Variants in PEBP4 observed in about 807,000 individuals in gnomAD.
The protein encoded by PEBP4 is phosphatidylethanolamine binding protein 4.
A neutral mutation model predicts 23.9 loss-of-function variants in PEBP4; 22 were observed. That is an observed-to-expected ratio of 0.92 (90% CI 0.66 to 1.31). PEBP4 has a LOEUF of 1.31. PEBP4 is among the 40% of genes most tolerant of loss of function. The pLI, the probability that PEBP4 is intolerant of heterozygous loss-of-function variation, is 0.00. For synonymous variants in PEBP4, 112 were observed against 99.3 expected (o/e 1.13, Z -0.76); for missense variants, 324 against 281.7 (o/e 1.15, Z -1.07).
intron 4 of PEBP4, among the ~76,000 whole-genome samples, chr8:22,748,181 A>G (rs1805169441): frequency 6.6e-6 from 1 of 152,176 alleles, no homozygotes; most frequent in Non-Finnish European, 1.5e-5. Flanking sequence ...CCAGATCTGG[A>G]GAGAAAAGGG....
chr8:22,734,930 G>A (rs1036899529), intron 4 of PEBP4, among the ~76,000 whole-genome samples: 1 of 152,198 alleles, frequency 6.6e-6, no homozygotes, highest in African/African-American at 2.4e-5. Flanking sequence ...GTTAAGAGAC[G>A]AGATTTCCCA....
At chr8:22,870,541 A>G (rs1451447872) in intron 3 of PEBP4, among the ~76,000 whole-genome samples, 1 of 152,234 alleles carries the variant, frequency 6.6e-6, no homozygotes, top group Non-Finnish European at 1.5e-5. Flanking sequence ...CTAAACCTAT[A>G]GAATGTACAA....
chr8:22,821,940 G>T (rs1009708244), intron 3 of PEBP4, among the ~76,000 whole-genome samples: 1 of 148,486 alleles, frequency 6.7e-6, no homozygotes, highest in African/African-American at 2.5e-5. Context: ...AGCCGAGATC[G>T]CGCCATTGCA....
intron 4 of PEBP4, among the ~76,000 whole-genome samples, chr8:22,765,116 T>TTCCTTCCTTCCTTC (rs560144016): frequency 8.4e-4 from 122 of 145,008 alleles, no homozygotes; most frequent in African/African-American, 3.0e-3. Context: ...TTCCTTTATT[T>TTCCTTCCTTCCTTC]CTTCCTTCCT....
At chr8:22,864,094 C>T (rs896307501) in intron 3 of PEBP4, among the ~76,000 whole-genome samples, 2 of 152,178 alleles carry the variant, frequency 1.3e-5, no homozygotes, top group Non-Finnish European at 2.9e-5. Context: ...AACATCTTCA[C>T]CTCCAACTTC....
chr8:22,873,724 G>A (rs1346353050), intron 3 of PEBP4, among the ~76,000 whole-genome samples: 1 of 152,220 alleles, frequency 6.6e-6, no homozygotes, highest in Non-Finnish European at 1.5e-5. Context: ...TGGCCTGCTT[G>A]AGAAATTAAT....
At chr8:22,893,934 A>G (rs1050058004) in intron 3 of PEBP4, among the ~76,000 whole-genome samples, 13 of 152,144 alleles carry the variant, frequency 8.5e-5, no homozygotes, top group Non-Finnish European at 1.9e-4. Context: ...GAAAACTGTA[A>G]ACCCACAGAT....
intron 1 of PEBP4, among the ~76,000 whole-genome samples, chr8:22,937,386 G>C (rs1364078437): frequency 6.6e-6 from 1 of 152,054 alleles, no homozygotes; most frequent in African/African-American, 2.4e-5. Context: ...TAACCAAGGA[G>C]GTGAAAGACT....
chr8:22,851,755 G>A (rs926194581), intron 3 of PEBP4, among the ~76,000 whole-genome samples: 1 of 152,098 alleles, frequency 6.6e-6, no homozygotes, highest in African/African-American at 2.4e-5. Context: ...CGAGGACTTG[G>A]GGGGAAGAGG....
chr8:22,738,643 C>T (rs1804922159), intron 4 of PEBP4, among the ~76,000 whole-genome samples: 1 of 152,144 alleles, frequency 6.6e-6, no homozygotes, highest in African/African-American at 2.4e-5. Context: ...CACACACACA[C>T]ACTTGCACAC....
At chr8:22,863,706 C>T (rs535024686) in intron 3 of PEBP4, among the ~76,000 whole-genome samples, 2 of 152,256 alleles carry the variant, frequency 1.3e-5, no homozygotes, top group South Asian at 4.1e-4. Flanking sequence ...ATAGCAGAGA[C>T]AGAGGGTGGG....
At chr8:22,878,345 G>A (rs1808172678) in intron 3 of PEBP4, among the ~76,000 whole-genome samples, 1 of 152,162 alleles carries the variant, frequency 6.6e-6, no homozygotes, top group South Asian at 2.1e-4. Context: ...CATCCTGCAG[G>A]TCAGACCAGC....
chr8:22,795,159 ATATATTTTTTTTTTTTTTT>A (rs1356875837), intron 4 of PEBP4, among the ~76,000 whole-genome samples: 4 of 28,530 alleles, frequency 1.4e-4, no homozygotes, highest in Admixed American at 1.0e-3. Flanking sequence ...ATATATATAT[ATATATTTTTTTTTTTTTTT>A]TTTTTTTTTT....
intron 3 of PEBP4, among the ~76,000 whole-genome samples, chr8:22,820,186 CA>C (rs982164416): frequency 2.0e-5 from 3 of 152,058 alleles, no homozygotes; most frequent in Non-Finnish European, 2.9e-5. Context: ...GCAAGTTTAT[CA>C]GGGGAAGAGG....
At chr8:22,801,563 A>G (rs1806381681) in intron 4 of PEBP4, among the ~76,000 whole-genome samples, 1 of 152,204 alleles carries the variant, frequency 6.6e-6, no homozygotes, top group African/African-American at 2.4e-5. Flanking sequence ...CCTGGCCTCT[A>G]CTGCCTTCAG....
intron 3 of PEBP4, among the ~76,000 whole-genome samples, chr8:22,849,999 C>T (rs1365875969): frequency 6.6e-6 from 1 of 151,702 alleles, no homozygotes; most frequent in African/African-American, 2.4e-5. Flanking sequence ...GCAGTGGGCA[C>T]AGAAGAGCTT....
chr8:22,745,564 A>T (rs1805094839), intron 4 of PEBP4: 1 of 152,106 alleles, frequency 6.6e-6, no homozygotes, highest in African/African-American at 2.4e-5. Flanking sequence ...TATCTTTCCA[A>T]TCCAGTTCAC....
chr8:22,783,503 C>T (rs1251556854), intron 4 of PEBP4, among the ~76,000 whole-genome samples: 2 of 152,162 alleles, frequency 1.3e-5, no homozygotes, highest in Admixed American at 6.5e-5. Context: ...TTTCTTATGG[C>T]GGTGGCCAGG....
intron 4 of PEBP4, among the ~76,000 whole-genome samples, chr8:22,777,384 A>G (rs913438772): frequency 6.6e-6 from 1 of 152,130 alleles, no homozygotes; most frequent in Non-Finnish European, 1.5e-5. Flanking sequence ...GGGCCCTTCT[A>G]AGCTGTGAGA....
Sources: allele counts gnomAD v4.1 joint callset (sites outside exome capture counted in the v4.1 genomes callset), GRCh38; gene constraint gnomAD v4.1.1; transcripts MANE v1.5; gene names NCBI Gene and HGNC (gene_info 2026-07-23, HGNC 2026-07-21).